Variants in PCDHGA8 observed in about 807,000 individuals in gnomAD.
PCDHGA8 encodes protocadherin gamma subfamily A, 8.
A neutral mutation model predicts 59.2 loss-of-function variants in PCDHGA8; 45 were observed. The ratio of observed to expected loss-of-function variants is 0.76; its 90% CI spans 0.60 to 0.98. The LOEUF (loss-of-function observed/expected upper bound fraction) is 0.98. Ranked by LOEUF, PCDHGA8 falls within the 50% of genes least tolerant of loss-of-function variation. PCDHGA8 has a pLI of 0.00. For missense variants in PCDHGA8, 1,257 were observed against 1,196.2 expected (o/e 1.05, Z -0.75); for synonymous variants, 531 against 519.0 (o/e 1.02, Z -0.32).
At chr5:141,409,690 A>G in intron 1 of PCDHGA8, 1 of 1,613,354 alleles carries the variant, frequency 6.2e-7, no homozygotes. Flanking sequence ...CGAGTGACCT[A>G]GAGCCCCTGG....
At position 141,491,099 on chromosome 5, in the gene PCDHGA8, T is replaced by C. The variant is rs1352561414; in HGVS notation, c.2425-3708T>C. 1 of 1,614,176 alleles carries C rather than the reference T, an allele frequency of 6.2e-7. No homozygotes were observed. ...CAGTCCACAGCCCCAGGACTGTTCC[T>C]CGTGTCTACACACACTGGTGAGGTG... On this transcript the variant is annotated intron_variant, in intron 1 of 3. Coordinates refer to ENST00000398604, the MANE Select transcript of PCDHGA8 (RefSeq NM_032088.2). The surrounding 1 kb of genome is among the most constrained non-coding windows in gnomAD (Gnocchi z 6.9).
chr5:141,494,439 C>T (rs1009257996), intron 1 of PCDHGA8, among the ~76,000 whole-genome samples: 1 of 152,126 alleles, frequency 6.6e-6, no homozygotes, highest in Non-Finnish European at 1.5e-5. Flanking sequence ...CCTCCTTTGC[C>T]ACTTTAGGGG....
chr5:141,487,404 C>T lies in PCDHGA8; in HGVS notation c.2425-7403C>T, dbSNP rs771371344. ...AGATCTCGAAGGAGGGAGGGGCTTC[C>T]CCCTTCCAATGGGATCCTCCGAATC... On this transcript the variant is annotated intron_variant, in intron 1 of 3. Transcript: ENST00000398604. The surrounding 1 kb of genome is among the most constrained non-coding windows in gnomAD (Gnocchi z 5.0). 2 of 1,614,178 alleles carry T rather than the reference C, an allele frequency of 1.2e-6. No homozygotes were observed. Among genetic ancestry groups the T allele is most frequent in the Non-Finnish European group, 8.5e-7 (1 of 1,180,032 alleles).
Position 141,393,571 on chromosome 5 carries a change from A to G in PCDHGA8, c.758A>G (p.Glu253Gly). The change falls in exon 1 of 4, where the codon GAG becomes GGG. Residue 253 changes from glutamate to glycine, a missense_variant. Coordinates refer to ENST00000398604, the MANE Select transcript of PCDHGA8 (RefSeq NM_032088.2). ...CCGATTTACCGAGTGAAAGTCCTTGAGAACATGCCCCCAGGCACGCGGCTG... is the reference window on the plus strand; with the variant it reads ...CCGATTTACCGAGTGAAAGTCCTTGGGAACATGCCCCCAGGCACGCGGCTG... ...PHPIYRVKVL[E>G]NMPPGTRLLT... The G allele has an allele frequency of 2.5e-6, 4 of 1,613,974 alleles. No individual in the cohort carries two copies. The highest frequency in any genetic ancestry group is 3.4e-6 in the Non-Finnish European group (4 of 1,179,898).
chr5:141,408,125 C>T, intron 1 of PCDHGA8: 1 of 1,478,650 alleles, frequency 6.8e-7, no homozygotes, highest in South Asian at 1.4e-5. Context: ...CTGTCCTGGG[C>T]CGAATGCTCT....
At chr5:141,422,272 A>G in intron 1 of PCDHGA8, 1 of 1,561,362 alleles carries the variant, frequency 6.4e-7, no homozygotes, top group Non-Finnish European at 8.6e-7. Context: ...TCCAGAAATA[A>G]CTATCACCTC....
At chr5:141,418,830 G>T (rs371820904) in intron 1 of PCDHGA8, 44 of 1,613,858 alleles carry the variant, frequency 2.7e-5, no homozygotes, top group Non-Finnish European at 3.6e-5. Flanking sequence ...GCAAAAGACC[G>T]AGGATCTCTC....
chr5:141,404,533 T>A, intron 1 of PCDHGA8: 2 of 1,613,926 alleles, frequency 1.2e-6, no homozygotes. Flanking sequence ...AGTTTAGAGA[T>A]TTGCAAATGC....
intron 1 of PCDHGA8, chr5:141,441,516 C>T (rs1034274864): frequency 4.0e-5 from 7 of 173,082 alleles, no homozygotes; most frequent in Non-Finnish European, 8.7e-5. Flanking sequence ...ACGTCGTCCA[C>T]GTGGCCAAGA....
At position 141,485,320 on chromosome 5, in the gene PCDHGA8, T is replaced by G; in HGVS notation, c.2425-9487T>G. The G allele has an allele frequency of 6.2e-7, 1 of 1,614,114 alleles. No individual in the cohort carries two copies. The highest frequency in any genetic ancestry group is 8.5e-7 in the Non-Finnish European group (1 of 1,180,018). ...AAGGGACTTTTGTAGGGAATGTCGC[T>G]CAAGATTTCCTGCTGGATACGGACA... is the stretch of plus-strand genomic sequence containing the variant. On this transcript the variant is annotated intron_variant, in intron 1 of 3. Transcript: ENST00000398604. The surrounding 1 kb of genome is among the most constrained non-coding windows in gnomAD (Gnocchi z 5.7).
chr5:141,459,404 G>C (rs2098967432), intron 1 of PCDHGA8, among the ~76,000 whole-genome samples: 1 of 152,182 alleles, frequency 6.6e-6, no homozygotes, highest in Non-Finnish European at 1.5e-5. Flanking sequence ...GAGCAGTATT[G>C]CATTGTGTGG....
At chr5:141,420,824 C>T (rs1282369085) in intron 1 of PCDHGA8, among the ~76,000 whole-genome samples, 1 of 152,216 alleles carries the variant, frequency 6.6e-6, no homozygotes, top group Admixed American at 6.5e-5. Context: ...TTAATAATTA[C>T]TCCTTTCGCA....
chr5:141,507,151 G>C (rs1423834553), intron 3 of PCDHGA8: 2 of 152,192 alleles, frequency 1.3e-5, no homozygotes, highest in African/African-American at 4.8e-5. Context: ...TATTACCTGA[G>C]CAGGATGAGA....
intron 1 of PCDHGA8, among the ~76,000 whole-genome samples, chr5:141,444,152 ATTTTTTTTTTTTTTTTTTTTT>A (rs747671382): frequency 8.9e-5 from 3 of 33,882 alleles, no homozygotes; most frequent in Admixed American, 3.9e-4. Context: ...TGTGTACTGG[ATTTTTTTTTTTTTTTTTTTTT>A]TTTTTTTTTT....
At chr5:141,408,971 C>G (rs763728764) in intron 1 of PCDHGA8, 4 of 1,613,698 alleles carry the variant, frequency 2.5e-6, no homozygotes, top group Non-Finnish European at 3.4e-6. Flanking sequence ...AAATCTGCCC[C>G]CTGGGTCCCC....
At chr5:141,509,968 C>A (rs1450809995) in intron 3 of PCDHGA8, among the ~76,000 whole-genome samples, 1 of 152,166 alleles carries the variant, frequency 6.6e-6, no homozygotes, top group Non-Finnish European at 1.5e-5. Context: ...TGGCCTTGGT[C>A]CTTCTAACAC....
At chr5:141,415,729 T>A in intron 1 of PCDHGA8, 1 of 1,442,780 alleles carries the variant, frequency 6.9e-7, no homozygotes, top group Non-Finnish European at 9.1e-7. Flanking sequence ...TAGAATTTGA[T>A]GTTTATTAAG....
At chr5:141,474,892 A>G (rs1419975508) in intron 1 of PCDHGA8, among the ~76,000 whole-genome samples, 1 of 152,208 alleles carries the variant, frequency 6.6e-6, no homozygotes, top group Non-Finnish European at 1.5e-5. Context: ...TTAGAGGTTC[A>G]TTTCTTGTTC....
Position 141,505,409 on chromosome 5 carries a change from G to T in PCDHGA8, c.2500G>T (p.Asp834Tyr). The change falls in exon 3 of 4, where the codon GAC (aspartate) becomes TAC (tyrosine). Residue 834 changes from aspartate to tyrosine, a missense_variant. Asp to Tyr is a radical substitution (Grantham distance 160). Transcript: ENST00000398604. ...PGTSGSQNGD[D>Y]TGTWPNNQFD... Reference sequence around the variant, plus strand: ...TCTCCCCAGCTCCCAAAATGGCGATGACACCGGCACCTGGCCCAACAACCA... The same window carrying T: ...TCTCCCCAGCTCCCAAAATGGCGATTACACCGGCACCTGGCCCAACAACCA... 6.2e-7 allele frequency: 1 copy of T among 1,614,200 alleles called. No individual in the cohort carries two copies. Among genetic ancestry groups the T allele is most frequent in the Non-Finnish European group, 8.5e-7 (1 of 1,180,048 alleles).
Sources: allele counts gnomAD v4.1 joint callset (sites outside exome capture counted in the v4.1 genomes callset), GRCh38; gene constraint gnomAD v4.1.1; non-coding constraint Gnocchi (gnomAD v3.1); transcripts MANE v1.5; gene names NCBI Gene and HGNC (gene_info 2026-07-23, HGNC 2026-07-21).